The following CSMD1 variants were observed in gnomAD, a reference collection of about 807,000 sequenced individuals.
CSMD1 encodes the protein CUB and Sushi multiple domains 1, also known as CUB and sushi domain-containing protein 1.
In CSMD1, 213 loss-of-function variants were observed where a neutral mutation model predicts 417.5. The observed-to-expected ratio is 0.51, with a 90% CI of 0.46 to 0.57. The LOEUF is 0.57. CSMD1 is among the 20% of genes least tolerant of loss of function. CSMD1 has a pLI of 0.00. For missense variants in CSMD1, 6,923 were observed against 4,529.7 expected, an observed-to-expected ratio of 1.53 and a Z score of -15.17; for synonymous variants, 2,862 against 1,736.8, an observed-to-expected ratio of 1.65 and a Z score of -16.11.
intron 5 of CSMD1, among the ~76,000 whole-genome samples, chr8:3,771,412 A>AATGCTTT (rs1798567026): frequency 6.6e-6 from 1 of 152,152 alleles, no homozygotes; most frequent in Non-Finnish European, 1.5e-5. Flanking sequence ...TTTCATTCAA[A>AATGCTTT]ATGCTTTTTG....
At chr8:4,172,666 G>C (rs1797832016) in intron 3 of CSMD1, among the ~76,000 whole-genome samples, 1 of 152,142 alleles carries the variant, frequency 6.6e-6, no homozygotes, top group Non-Finnish European at 1.5e-5. Flanking sequence ...AATATGGGCT[G>C]GACCAGGTGT....
chr8:4,557,820 G>C (rs945482850), intron 2 of CSMD1, among the ~76,000 whole-genome samples: 3 of 152,094 alleles, frequency 2.0e-5, no homozygotes, highest in Admixed American at 6.6e-5. Context: ...TTCATTTCTC[G>C]TTACGTTTCA....
intron 11 of CSMD1, among the ~76,000 whole-genome samples, chr8:3,480,940 A>C (rs956184892): frequency 1.3e-5 from 2 of 151,962 alleles, no homozygotes; most frequent in East Asian, 1.9e-4. Flanking sequence ...GCGGATCACA[A>C]GGTCAGGAGA....
In CSMD1 at chr8:4,682,928, C is replaced by G. The variant is rs867330472; in HGVS notation, c.86-45370G>C. 4.9e-5 allele frequency among the ~76,000 whole-genome samples: 7 copies of G among 141,778 alleles called. No homozygotes were observed. In the South Asian group the frequency reaches 1.1e-3, roughly 23 times the overall value. The allele number at this position is 141,778 out of a possible 152,430, so 93.0% of individuals were successfully genotyped here. On this transcript the variant is annotated intron_variant, in intron 1 of 69. Transcript: ENST00000635120. The stretch of plus-strand genomic sequence containing the variant: ...AACATTTTTAGAGAAATGTTTCTCT[C>G]ATTTCTTTAGGAGCAATAAGTATCT...
intron 2 of CSMD1, among the ~76,000 whole-genome samples, chr8:4,463,955 G>T (rs1217663): frequency 6.6e-6 from 1 of 151,986 alleles, no homozygotes; most frequent in East Asian, 1.9e-4. Context: ...AGAACAGAGC[G>T]CAATATGGGA....
intron 8 of CSMD1, among the ~76,000 whole-genome samples, chr8:3,593,311 T>C (rs1800943909): frequency 2.0e-5 from 3 of 152,178 alleles, no homozygotes; most frequent in South Asian, 2.1e-4. Context: ...TGTGGCCTCA[T>C]GGAGAAGCCC....
intron 9 of CSMD1, among the ~76,000 whole-genome samples, chr8:3,580,588 A>C (rs1252012538): frequency 1.3e-5 from 2 of 152,188 alleles, no homozygotes; most frequent in Non-Finnish European, 2.9e-5. Context: ...AAAAATAATA[A>C]GGAGAAAAAT....
chr8:3,922,202 C>A (rs1809325249), intron 5 of CSMD1, among the ~76,000 whole-genome samples: 1 of 152,062 alleles, frequency 6.6e-6, no homozygotes, highest in South Asian at 2.1e-4. Flanking sequence ...ACCCTACTCT[C>A]TTCTTTTTAA....
chr8:3,298,069 A>T (rs1804104270), intron 25 of CSMD1, among the ~76,000 whole-genome samples: 1 of 152,206 alleles, frequency 6.6e-6, no homozygotes, highest in Admixed American at 6.5e-5. Context: ...GGCTAAAATG[A>T]AAAAACAATC....
intron 3 of CSMD1, among the ~76,000 whole-genome samples, chr8:4,215,269 G>A (rs1048400172): frequency 4.6e-5 from 7 of 152,156 alleles, no homozygotes; most frequent in African/African-American, 1.4e-4. Context: ...ATAGCCAAAT[G>A]CTGTACTTTT....
At chr8:4,151,632 A>G (rs959928767) in intron 3 of CSMD1, among the ~76,000 whole-genome samples, 4 of 152,172 alleles carry the variant, frequency 2.6e-5, no homozygotes, top group Non-Finnish European at 5.9e-5. Flanking sequence ...TCACTTTGTT[A>G]TCAAGAATCT....
chr8:4,404,141 T>C (rs1296436541), intron 3 of CSMD1, among the ~76,000 whole-genome samples: 1 of 152,208 alleles, frequency 6.6e-6, no homozygotes, highest in Non-Finnish European at 1.5e-5. Flanking sequence ...TATCTTTTTC[T>C]CAGCGTAGAG....
At chr8:4,844,035 G>A (rs1040088003) in intron 1 of CSMD1, among the ~76,000 whole-genome samples, 1 of 152,146 alleles carries the variant, frequency 6.6e-6, no homozygotes, top group Non-Finnish European at 1.5e-5. Flanking sequence ...TGTAGACTAC[G>A]GTCACTGCAT....
chr8:4,577,938 G>A (rs1799211804), intron 2 of CSMD1, among the ~76,000 whole-genome samples: 1 of 152,258 alleles, frequency 6.6e-6, no homozygotes, highest in East Asian at 1.9e-4. Context: ...TTATGATATT[G>A]GATGGCCAGA....
At chr8:4,542,400 A>G (rs1797432282) in intron 2 of CSMD1, among the ~76,000 whole-genome samples, 1 of 152,226 alleles carries the variant, frequency 6.6e-6, no homozygotes. Context: ...CAGAAGAATA[A>G]CCATTAAAAA....
At chr8:4,785,807 C>T (rs1207864772) in intron 1 of CSMD1, among the ~76,000 whole-genome samples, 2 of 152,094 alleles carry the variant, frequency 1.3e-5, no homozygotes, top group Non-Finnish European at 2.9e-5. Context: ...GTTGCCCAGA[C>T]TCGTTAAATG....
intron 1 of CSMD1, among the ~76,000 whole-genome samples, chr8:4,856,877 G>C (rs1389343345): frequency 6.6e-6 from 1 of 151,944 alleles, no homozygotes; most frequent in African/African-American, 2.4e-5. Context: ...AGTCAACAAG[G>C]ATACCCAGGA....
intron 5 of CSMD1, among the ~76,000 whole-genome samples, chr8:3,900,405 G>A (rs527505841): frequency 2.0e-5 from 3 of 151,680 alleles, no homozygotes; most frequent in African/African-American, 7.3e-5. Context: ...ATAGGTGGGT[G>A]ACAGGGCAGC....
intron 6 of CSMD1, among the ~76,000 whole-genome samples, chr8:3,716,867 G>A (rs1003856233): frequency 6.6e-6 from 1 of 150,470 alleles, no homozygotes; most frequent in Non-Finnish European, 1.5e-5. Context: ...ATTATCAAGA[G>A]TAATAGTTTT....
Sources: allele counts gnomAD v4.1 joint callset (sites outside exome capture counted in the v4.1 genomes callset), GRCh38; gene constraint gnomAD v4.1.1; transcripts MANE v1.5; gene names NCBI Gene and HGNC (gene_info 2026-07-23, HGNC 2026-07-21).